WWOX: variants seen among roughly 807,000 people sequenced by gnomAD.
WWOX encodes WW domain-containing oxidoreductase.
WWOX carries 69 observed loss-of-function variants against 46.2 expected under a neutral mutation model. The ratio of observed to expected loss-of-function variants is 1.49; its 90% CI spans 1.23 to 1.82. The LOEUF is 1.82. Among genes scored for constraint, WWOX ranks in the 40% most tolerant of loss-of-function variants. WWOX has a pLI of 0.00. For missense variants in WWOX, 919 were observed against 542.6 expected (o/e 1.69, Z -6.89); for synonymous variants, 359 against 202.6 (o/e 1.77, Z -6.56).
rs1597189624 is a variant in WWOX at position 78,099,810 on chromosome 16, A to T, written c.32A>T (p.Asp11Val). 6.3e-7 allele frequency: 1 copy of T among 1,576,204 alleles called. No homozygotes were observed. Among genetic ancestry groups the T allele is most frequent in the Non-Finnish European group, 8.6e-7 (1 of 1,162,390 alleles). Residue 11 changes from aspartate (D) to valine (V), a missense_variant, in exon 1 of 9, where the codon GAC becomes GTC. By Grantham distance (152) the Asp-to-Val change is radical (BLOSUM62 -3). Coordinates refer to ENST00000566780, the MANE Select transcript of WWOX (RefSeq NM_016373.4). MAALRYAGLDDTDSEDELPPG... is the reference protein window; with the variant it reads MAALRYAGLDVTDSEDELPPG... ...GCGCTGCGCTACGCGGGGCTGGACG[A>T]CACGGACAGTGAGGACGAGCTGCCT...
At chr16:78,876,767 T>C (rs923299962) in intron 8 of WWOX, among the ~76,000 whole-genome samples, 3 of 152,148 alleles carry the variant, frequency 2.0e-5, no homozygotes, top group Non-Finnish European at 4.4e-5. Context: ...TAACCAAAAA[T>C]CTAAAGGAAA....
Position 78,685,906 on chromosome 16 carries a change from A to C in WWOX, c.1056+253154A>C, listed in dbSNP as rs563608061. On this transcript the variant is annotated intron_variant, in intron 8 of 8. Transcript: ENST00000566780. Reference sequence around the variant, plus strand: ...GAGAGAGAGAGGAAAAAAAACAAAAAAGAAAAAGAAAAAAGAGAGGTGGGT... The same window carrying C: ...GAGAGAGAGAGGAAAAAAAACAAAACAGAAAAAGAAAAAAGAGAGGTGGGT... 5.6e-4 allele frequency among the ~76,000 whole-genome samples: 84 copies of C among 149,030 alleles called. 1 individual carries two copies. Among genetic ancestry groups the C allele is most frequent in the African/African-American group, 1.9e-3 (80 of 41,140 alleles).
At chr16:78,243,471 G>T (rs913104348) in intron 5 of WWOX, among the ~76,000 whole-genome samples, 1 of 152,118 alleles carries the variant, frequency 6.6e-6, no homozygotes, top group Non-Finnish European at 1.5e-5. Context: ...CAGGTCAGAA[G>T]CATGGTACCC....
rs187859112 is a variant in WWOX at position 78,906,582 on chromosome 16, G to C, written c.1057-305026G>C. Among the ~76,000 whole-genome samples, 7 of 152,270 alleles carry C rather than the reference G, an allele frequency of 4.6e-5. No individual in the cohort carries two copies. In the East Asian group the frequency reaches 9.7e-4, roughly 21 times the overall value. ...CTGCATAAATATACATCTTTCAGGG[G>C]AAGAGGGAGAACCTGGAGAAGTCAG... On this transcript the variant is annotated intron_variant, in intron 8 of 8. Transcript: ENST00000566780.
At chr16:79,108,735 C>G (rs996181179) in intron 8 of WWOX, among the ~76,000 whole-genome samples, 2 of 151,932 alleles carry the variant, frequency 1.3e-5, no homozygotes, top group East Asian at 1.9e-4. Flanking sequence ...GACCCCACCT[C>G]TACAAAAAAT....
In WWOX at chr16:78,134,678, G is replaced by C. The variant is rs182045445; in HGVS notation, c.409+19524G>C. Among the ~76,000 whole-genome samples, 10 of 152,228 alleles carry C rather than the reference G, an allele frequency of 6.6e-5. No individual in the cohort carries two copies. In the East Asian group the frequency reaches 1.7e-3, roughly 26 times the overall value. ...TCCACTGTTGTTATGAGCTGCTTAT[G>C]GCAAGTGAAAAACTCACAATATTTG... On this transcript the variant is annotated intron_variant, in intron 4 of 8. Coordinates refer to ENST00000566780, the MANE Select transcript of WWOX (RefSeq NM_016373.4).
At position 78,880,271 on chromosome 16, in the gene WWOX, G is replaced by A. The variant is rs552788482; in HGVS notation, c.1057-331337G>A. 3.3e-5 allele frequency among the ~76,000 whole-genome samples: 5 copies of A among 152,224 alleles called. No individual in the cohort carries two copies. The South Asian group carries it at 8.3e-4, about 25-fold the overall frequency. On this transcript the variant is annotated intron_variant, in intron 8 of 8. Transcript: ENST00000566780. ...CCTTACATAGATGGAAACATCTAAA[G>A]GCTATTTTTTATTTTATTTTCCATT... is the stretch of plus-strand genomic sequence containing the variant.
intron 8 of WWOX, among the ~76,000 whole-genome samples, chr16:78,656,561 A>T (rs1050056162): frequency 6.6e-6 from 1 of 152,138 alleles, no homozygotes; most frequent in Non-Finnish European, 1.5e-5. Flanking sequence ...CTTTTAAACA[A>T]CCAGATCTGG....
chr16:78,846,534 G>A lies in WWOX; in HGVS notation c.1057-365074G>A, dbSNP rs191385061. 3.9e-5 allele frequency among the ~76,000 whole-genome samples: 6 copies of A among 152,140 alleles called. No homozygotes were observed. The East Asian group carries it at 5.8e-4, about 15-fold the overall frequency. The stretch of plus-strand genomic sequence containing the variant: ...GATGTGTTCTCTTGATTAGAATGAC[G>A]TGGTGCATTTTTGGGAGGAATATAC... On this transcript the variant is annotated intron_variant, in intron 8 of 8. Transcript: ENST00000566780.
chr16:78,863,721 C>G (rs78346572), intron 8 of WWOX, among the ~76,000 whole-genome samples: 6,069 of 152,300 alleles, frequency 0.04, 152 homozygotes, highest in Non-Finnish European at 0.058. Context: ...GCAAAACAAA[C>G]AAATGAATAA....
At chr16:78,995,509 G>A (rs2046972511) in intron 8 of WWOX, among the ~76,000 whole-genome samples, 1 of 152,002 alleles carries the variant, frequency 6.6e-6, no homozygotes, top group Non-Finnish European at 1.5e-5. Flanking sequence ...AACCCAAGCT[G>A]GAACTTGGAG....
At position 78,343,837 on chromosome 16, in the gene WWOX, C is replaced by A. The variant is rs1322620643; in HGVS notation, c.517-43023C>A. On this transcript the variant is annotated intron_variant, in intron 5 of 8. Coordinates refer to ENST00000566780, the MANE Select transcript of WWOX (RefSeq NM_016373.4). ...CAGCTGCTTTAATATTAATATGACA[C>A]CCGTTTTGGGCTTGAAAAGTTTTCC... Among the ~76,000 whole-genome samples the A allele has an allele frequency of 1.7e-5, 2 of 119,826 alleles. 1 individual carries two copies. The highest frequency in any genetic ancestry group is 5.0e-4 in the South Asian group (2 of 3,974). The allele number at this position is 119,826 out of a possible 152,430, so 78.6% of individuals were successfully genotyped here.
At chr16:78,569,356 G>C (rs747401720) in intron 8 of WWOX, among the ~76,000 whole-genome samples, 5 of 152,128 alleles carry the variant, frequency 3.3e-5, no homozygotes, top group African/African-American at 9.7e-5. Flanking sequence ...ATCCACATTT[G>C]AGTTGGTTTA....
chr16:78,505,294 T>C (rs1877280), intron 8 of WWOX, among the ~76,000 whole-genome samples: 137,999 of 152,228 alleles, frequency 0.91, 63,104 homozygotes, highest in Non-Finnish European at 0.97. Flanking sequence ...ACTGAGTTAA[T>C]ACACTTGCCA....
At chr16:78,364,999 C>A (rs1432413602) in intron 5 of WWOX, among the ~76,000 whole-genome samples, 5 of 152,132 alleles carry the variant, frequency 3.3e-5, no homozygotes, top group African/African-American at 9.7e-5. Flanking sequence ...ATAGTATTTT[C>A]TGTGTACTAT....
At chr16:78,381,856 G>C (rs745684910) in intron 5 of WWOX, among the ~76,000 whole-genome samples, 1 of 151,954 alleles carries the variant, frequency 6.6e-6, no homozygotes, top group Admixed American at 6.6e-5. Context: ...ATTTTACGGT[G>C]GTGGGATTTT....
intron 8 of WWOX, among the ~76,000 whole-genome samples, chr16:78,656,919 ACACC>A (rs1293232902): frequency 6.6e-6 from 1 of 152,200 alleles, no homozygotes; most frequent in Non-Finnish European, 1.5e-5. Context: ...GGCTGTCGAT[ACACC>A]GCTGCTCTGA....
At chr16:78,818,310 C>A (rs1449733285) in intron 8 of WWOX, among the ~76,000 whole-genome samples, 11 of 152,196 alleles carry the variant, frequency 7.2e-5, no homozygotes, top group African/African-American at 2.7e-4. Context: ...CCTGCCCCAG[C>A]CCTGCCACAC....
chr16:78,208,914 T>G (rs1055750784), intron 5 of WWOX, among the ~76,000 whole-genome samples: 7 of 152,206 alleles, frequency 4.6e-5, no homozygotes, highest in Admixed American at 6.5e-5. Context: ...TTTATTTATT[T>G]ATTTTTTTTA....
Sources: allele counts gnomAD v4.1 joint callset (sites outside exome capture counted in the v4.1 genomes callset), GRCh38; gene constraint gnomAD v4.1.1; transcripts MANE v1.5; gene names NCBI Gene and HGNC (gene_info 2026-07-23, HGNC 2026-07-21).